TTC29: variants seen among roughly 807,000 people sequenced by gnomAD.
The protein encoded by TTC29 is tetratricopeptide repeat domain 29.
Under a neutral mutation model 58.1 loss-of-function variants are expected in TTC29, and 49 were observed. The ratio of observed to expected loss-of-function variants is 0.84; its 90% CI spans 0.67 to 1.07. The LOEUF is 1.07. TTC29 is among the 50% of genes least tolerant of loss of function. The pLI, the probability that TTC29 is intolerant of heterozygous loss-of-function variation, is 0.00. For missense variants in TTC29, 582 were observed against 555.6 expected, an observed-to-expected ratio of 1.05 and a Z score of -0.48; for synonymous variants, 209 against 196.8, an observed-to-expected ratio of 1.06 and a Z score of -0.52.
chr4:146,799,855 T>A (rs1750089771), intron 11 of TTC29, among the ~76,000 whole-genome samples: 1 of 152,222 alleles, frequency 6.6e-6, no homozygotes, highest in Admixed American at 6.5e-5. Flanking sequence ...TCTGTGTTGC[T>A]GTTCCACATG....
chr4:146,828,206 G>A (rs1342406815), intron 9 of TTC29, among the ~76,000 whole-genome samples: 2 of 151,982 alleles, frequency 1.3e-5, no homozygotes, highest in Non-Finnish European at 2.9e-5. Context: ...TCAAATGCAG[G>A]CATAGAGTAA....
intron 11 of TTC29, among the ~76,000 whole-genome samples, chr4:146,796,047 C>T (rs571961484): frequency 6.6e-6 from 1 of 152,200 alleles, no homozygotes; most frequent in East Asian, 1.9e-4. Flanking sequence ...TTCATAAGCT[C>T]CTCAAACTAG....
intron 6 of TTC29, among the ~76,000 whole-genome samples, chr4:146,895,427 T>A (rs1732703495): frequency 6.6e-6 from 1 of 152,180 alleles, no homozygotes; most frequent in Non-Finnish European, 1.5e-5. Flanking sequence ...CTGGGTTTAG[T>A]CTTCCTTGAG....
At chr4:146,843,186 C>T (rs920946649) in intron 8 of TTC29, among the ~76,000 whole-genome samples, 1 of 151,048 alleles carries the variant, frequency 6.6e-6, no homozygotes, top group Non-Finnish European at 1.5e-5. Context: ...AGCAGTGGCC[C>T]CACATCACTT....
intron 11 of TTC29, among the ~76,000 whole-genome samples, chr4:146,765,163 A>G (rs1187688607): frequency 3.3e-5 from 5 of 152,100 alleles, no homozygotes; most frequent in Non-Finnish European, 5.9e-5. Flanking sequence ...TTATAACTTA[A>G]AGGCATGTAC....
chr4:146,718,335 A>C (rs1397261870), intron 11 of TTC29, among the ~76,000 whole-genome samples: 1 of 152,220 alleles, frequency 6.6e-6, no homozygotes, highest in East Asian at 1.9e-4. Context: ...AGTCCCACCA[A>C]TAGTGCACAA....
At chr4:146,840,622 C>T (rs1025603015) in intron 8 of TTC29, among the ~76,000 whole-genome samples, 5 of 151,922 alleles carry the variant, frequency 3.3e-5, no homozygotes, top group African/African-American at 1.2e-4. Context: ...ATACAGCAGC[C>T]AATAATACAA....
chr4:146,790,121 T>C (rs1749322752), intron 11 of TTC29, among the ~76,000 whole-genome samples: 1 of 152,152 alleles, frequency 6.6e-6, no homozygotes, highest in Non-Finnish European at 1.5e-5. Flanking sequence ...TAGGCTTCTC[T>C]TCAGACTCCT....
intron 10 of TTC29, among the ~76,000 whole-genome samples, chr4:146,806,475 A>G (rs920620994): frequency 6.6e-6 from 1 of 152,250 alleles, no homozygotes; most frequent in Non-Finnish European, 1.5e-5. Flanking sequence ...GGTGTGCTTT[A>G]TTCAGGAGAC....
chr4:146,891,792 T>G (rs947326802), intron 6 of TTC29, among the ~76,000 whole-genome samples: 3 of 152,184 alleles, frequency 2.0e-5, no homozygotes, highest in African/African-American at 7.2e-5. Context: ...TCTGAAGCAG[T>G]TCTTCAGCAA....
intron 11 of TTC29, among the ~76,000 whole-genome samples, chr4:146,776,344 C>T (rs746509520): frequency 3.9e-5 from 6 of 152,134 alleles, no homozygotes; most frequent in Non-Finnish European, 8.8e-5. Context: ...TAAGAAGACA[C>T]TCTGGCTTTT....
At chr4:146,816,611 C>G (rs1191551541) in intron 10 of TTC29, among the ~76,000 whole-genome samples, 3 of 151,270 alleles carry the variant, frequency 2.0e-5, no homozygotes, top group Non-Finnish European at 4.4e-5. Context: ...CAGGAGGGAG[C>G]AAGATGGGTA....
chr4:146,720,246 G>T (rs1182194791), intron 11 of TTC29, among the ~76,000 whole-genome samples: 1 of 152,102 alleles, frequency 6.6e-6, no homozygotes, highest in Non-Finnish European at 1.5e-5. Context: ...AAATACTAAT[G>T]TACAAACTAA....
At chr4:146,875,866 A>T (rs1384228198) in intron 6 of TTC29, among the ~76,000 whole-genome samples, 1 of 152,212 alleles carries the variant, frequency 6.6e-6, no homozygotes, top group East Asian at 1.9e-4. Flanking sequence ...ATGAGCAAAC[A>T]TATTTCTGGA....
intron 11 of TTC29, among the ~76,000 whole-genome samples, chr4:146,788,678 T>C (rs764017665): frequency 1.3e-5 from 2 of 151,838 alleles, no homozygotes; most frequent in Non-Finnish European, 2.9e-5. Flanking sequence ...TGTGCCACAG[T>C]GGAGCATAAT....
intron 11 of TTC29, among the ~76,000 whole-genome samples, chr4:146,744,115 G>A (rs1301771217): frequency 6.6e-6 from 1 of 152,184 alleles, no homozygotes; most frequent in African/African-American, 2.4e-5. Context: ...TCCTATATCT[G>A]TACAGATAAT....
intron 11 of TTC29, among the ~76,000 whole-genome samples, chr4:146,737,086 C>T (rs1022615371): frequency 6.6e-6 from 1 of 152,080 alleles, no homozygotes; most frequent in Non-Finnish European, 1.5e-5. Flanking sequence ...GGGCTGAATT[C>T]CGTGCTGTTT....
At chr4:146,735,130 C>T (rs1450884664) in intron 11 of TTC29, among the ~76,000 whole-genome samples, 4 of 151,968 alleles carry the variant, frequency 2.6e-5, no homozygotes, top group Non-Finnish European at 4.4e-5. Context: ...AATGCTAGAC[C>T]GAGTTTAAAT....
At chr4:146,778,982 A>AC in intron 11 of TTC29, among the ~76,000 whole-genome samples, 1 of 123,490 alleles carries the variant, frequency 8.1e-6, no homozygotes, top group African/African-American at 3.5e-5. Flanking sequence ...TAAGCAAAAA[A>AC]AAAAAAAAAA....
Sources: gnomAD v4.1 joint callset for allele counts (sites outside exome capture counted in the v4.1 genomes callset) on GRCh38, gnomAD v4.1.1 for gene constraint, MANE v1.5 for transcripts, NCBI Gene and HGNC (gene_info 2026-07-23, HGNC 2026-07-21) for gene names.